Variants in EYS observed in about 807,000 individuals in gnomAD.
EYS encodes the protein protein eyes shut homolog.
In EYS, 250 loss-of-function variants were observed where a neutral mutation model predicts 282.1. That is an observed-to-expected ratio of 0.89 (90% CI 0.80 to 0.98). The LOEUF is 0.98. Among genes scored for constraint, EYS ranks in the 50% least tolerant of loss-of-function variants. The pLI is 0.00. For synonymous variants in EYS, 1,355 were observed against 1,282.9 expected, an observed-to-expected ratio of 1.06 and a Z score of -1.20; for missense variants, 4,016 against 3,709.0, an observed-to-expected ratio of 1.08 and a Z score of -2.15.
intron 19 of EYS, among the ~76,000 whole-genome samples, chr6:64,860,786 G>C (rs895601971): frequency 1.3e-5 from 2 of 152,218 alleles, no homozygotes; most frequent in African/African-American, 4.8e-5. Context: ...GAGGTAGGTA[G>C]ACAAGTGGAG....
At chr6:65,277,004 A>G (rs992851157) in intron 12 of EYS, among the ~76,000 whole-genome samples, 2 of 152,204 alleles carry the variant, frequency 1.3e-5, no homozygotes, top group Non-Finnish European at 2.9e-5. Flanking sequence ...AACAAACTAC[A>G]TGTTTATGTT....
intron 12 of EYS, among the ~76,000 whole-genome samples, chr6:65,137,643 A>G (rs566320842): frequency 9.9e-5 from 15 of 152,206 alleles, no homozygotes; most frequent in Middle Eastern, 3.4e-3. Flanking sequence ...TGGCTGCTGG[A>G]TATAAGGAGA....
intron 33 of EYS, among the ~76,000 whole-genome samples, chr6:64,063,600 A>C (rs943238423): frequency 5.9e-5 from 9 of 152,292 alleles, no homozygotes; most frequent in African/African-American, 2.2e-4. Context: ...AGCATTTGCA[A>C]ACTGTCTACC....
intron 30 of EYS, among the ~76,000 whole-genome samples, chr6:64,301,442 A>G (rs1038154110): frequency 3.9e-5 from 6 of 152,206 alleles, no homozygotes; most frequent in African/African-American, 1.4e-4. Flanking sequence ...CCCACTAAAC[A>G]CTACCCTACA....
chr6:63,930,273 G>C (rs1179274931), intron 35 of EYS, among the ~76,000 whole-genome samples: 1 of 76,116 alleles, frequency 1.3e-5, no homozygotes. Flanking sequence ...AAAAATGTAA[G>C]AAACCCACCC....
chr6:65,015,455 G>A (rs1772012507), intron 13 of EYS, among the ~76,000 whole-genome samples: 1 of 152,270 alleles, frequency 6.6e-6, no homozygotes, highest in Non-Finnish European at 1.5e-5. Flanking sequence ...GTGCATTGAG[G>A]AACTGTTGAA....
intron 5 of EYS, among the ~76,000 whole-genome samples, chr6:65,484,358 C>T (rs1765713418): frequency 6.6e-6 from 1 of 152,108 alleles, no homozygotes. Flanking sequence ...TGATAAATCA[C>T]CACTTGGTAT....
At chr6:64,211,636 C>A (rs1765776652) in intron 31 of EYS, among the ~76,000 whole-genome samples, 1 of 146,156 alleles carries the variant, frequency 6.8e-6, no homozygotes, top group South Asian at 2.2e-4. Flanking sequence ...TTAAATTTAG[C>A]AAAATTTAAT....
chr6:65,193,721 G>A (rs1765698009), intron 12 of EYS, among the ~76,000 whole-genome samples: 1 of 151,416 alleles, frequency 6.6e-6, no homozygotes, highest in African/African-American at 2.4e-5. Context: ...TACTAGTTGG[G>A]AAGAGAGTTA....
chr6:65,565,874 C>T (rs546184658), intron 2 of EYS, among the ~76,000 whole-genome samples: 123 of 152,158 alleles, frequency 8.1e-4, no homozygotes, highest in African/African-American at 2.9e-3. Context: ...CACATGTTCT[C>T]ACTCATAAGT....
intron 26 of EYS, among the ~76,000 whole-genome samples, chr6:64,578,141 T>TCA (rs2149822265): frequency 6.6e-6 from 1 of 152,156 alleles, no homozygotes; most frequent in South Asian, 2.1e-4. Flanking sequence ...ACTGATCTGT[T>TCA]CTCCATAGTA....
At position 64,590,520 on chromosome 6, in the gene EYS, C is replaced by T. The variant is rs1167122731; in HGVS notation, c.5347G>A (p.Asp1783Asn). ...NLPPLTGSVP[D>N]FSEVTTNVAF... ...ACATTGGTGGTGACTTCTGAAAAAT[C>T]AGGCACTGAGCCTGTCAATGGTGGC... Residue 1783 changes from aspartate to asparagine, a missense_variant, in exon 26 of 43, where the codon GAT becomes AAT. Physicochemically the swap from Asp to Asn is conservative, Grantham distance 23. Transcript: ENST00000503581. 9.7e-6 allele frequency: 15 copies of T among 1,551,426 alleles called. No individual in the cohort carries two copies. The highest frequency in any genetic ancestry group is 1.3e-5 in the Non-Finnish European group (15 of 1,146,810).
At chr6:65,666,957 T>C (rs930671709) in intron 1 of EYS, among the ~76,000 whole-genome samples, 19 of 141,332 alleles carry the variant, frequency 1.3e-4, no homozygotes, top group East Asian at 6.0e-4. Flanking sequence ...CCACCCAATG[T>C]AAAAAAAAAA....
intron 29 of EYS, among the ~76,000 whole-genome samples, chr6:64,377,531 T>A (rs184443303): frequency 2.1e-3 from 315 of 152,208 alleles, no homozygotes; most frequent in Non-Finnish European, 3.4e-3. Flanking sequence ...CCCTTATCTG[T>A]GAAATGGAGA....
chr6:65,491,864 G>A lies in EYS; in HGVS notation c.749-1157C>T, dbSNP rs978696083. ...AGGTTAAATAAGGTCAGTAGGGTGC[G>A]TCCTAATCCAATGTGACTGGTGTGC... On this transcript the variant is annotated intron_variant, in intron 4 of 42. Transcript: ENST00000503581. Among the ~76,000 whole-genome samples, 11 of 152,094 alleles carry A rather than the reference G, an allele frequency of 7.2e-5. No homozygotes were observed. The South Asian group carries it at 2.1e-3, about 29-fold the overall frequency.
At chr6:65,585,568 A>T (rs1315774916) in intron 2 of EYS, among the ~76,000 whole-genome samples, 1 of 151,976 alleles carries the variant, frequency 6.6e-6, no homozygotes, top group African/African-American at 2.4e-5. Context: ...ATACAATGCA[A>T]TTCAGTATAT....
At chr6:63,737,244 G>T (rs1210132646) in intron 41 of EYS, among the ~76,000 whole-genome samples, 47 of 150,812 alleles carry the variant, frequency 3.1e-4, no homozygotes, top group South Asian at 4.2e-4. Flanking sequence ...TAGCTCTTAT[G>T]ATTTTGAGAT....
chr6:64,505,565 G>A (rs9345178), intron 26 of EYS, among the ~76,000 whole-genome samples: 1 of 151,898 alleles, frequency 6.6e-6, no homozygotes, highest in African/African-American at 2.4e-5. Context: ...TTTGGAAGAC[G>A]GCAATGGCAA....
chr6:64,281,972 T>G (rs940979758), intron 30 of EYS, among the ~76,000 whole-genome samples: 4 of 152,126 alleles, frequency 2.6e-5, no homozygotes, highest in Admixed American at 2.6e-4. Context: ...TGATGTAACT[T>G]ACTGACTGCA....
Sources: gnomAD v4.1 joint callset for allele counts (sites outside exome capture counted in the v4.1 genomes callset) on GRCh38, gnomAD v4.1.1 for gene constraint, MANE v1.5 for transcripts, NCBI Gene and HGNC (gene_info 2026-07-23, HGNC 2026-07-21) for gene names.